CACNA1E: variants seen among roughly 807,000 people sequenced by gnomAD.
CACNA1E encodes voltage-dependent R-type calcium channel subunit alpha-1E.
In CACNA1E, 40 loss-of-function variants were observed where a neutral mutation model predicts 259.2. The ratio of observed to expected loss-of-function variants is 0.15; its 90% CI spans 0.12 to 0.20. The LOEUF is 0.20. Ranked by LOEUF, CACNA1E falls within the 10% of genes least tolerant of loss-of-function variation. The pLI is 1.00. For synonymous variants in CACNA1E, 1,104 were observed against 1,138.5 expected, an observed-to-expected ratio of 0.97 and a Z score of 0.61; for missense variants, 1,874 against 3,040.1, an observed-to-expected ratio of 0.62 and a Z score of 9.02.
At chr1:181,356,068 C>A (rs906739456) in intron 1 of CACNA1E, among the ~76,000 whole-genome samples, 1 of 152,134 alleles carries the variant, frequency 6.6e-6, no homozygotes, top group African/African-American at 2.4e-5. Context: ...ATAAAGGCAC[C>A]CCCTCCCAGG....
chr1:181,463,145 T>C (rs1370677996), intron 2 of CACNA1E, among the ~76,000 whole-genome samples: 1 of 152,180 alleles, frequency 6.6e-6, no homozygotes, highest in Non-Finnish European at 1.5e-5. Context: ...TTATAAATGC[T>C]ATATTTTTCC....
At chr1:181,448,860 C>T (rs935067578) in intron 2 of CACNA1E, among the ~76,000 whole-genome samples, 1 of 152,130 alleles carries the variant, frequency 6.6e-6, no homozygotes, top group Admixed American at 6.5e-5. Flanking sequence ...ATCTCAGCTG[C>T]CTGGGACTCT....
chr1:181,740,835 G>A (rs1471901267), intron 25 of CACNA1E, among the ~76,000 whole-genome samples: 1 of 152,148 alleles, frequency 6.6e-6, no homozygotes, highest in East Asian at 1.9e-4. Context: ...AAATTTTACA[G>A]AAGCATGGGG....
intron 7 of CACNA1E, among the ~76,000 whole-genome samples, chr1:181,670,809 C>T (rs1648715785): frequency 2.0e-5 from 3 of 152,170 alleles, no homozygotes; most frequent in Admixed American, 2.0e-4. Flanking sequence ...CCTCCATCCT[C>T]TTGTCCCTGT....
intron 1 of CACNA1E, among the ~76,000 whole-genome samples, chr1:181,378,593 T>G (rs997180701): frequency 6.6e-6 from 1 of 152,172 alleles, no homozygotes; most frequent in Non-Finnish European, 1.5e-5. Context: ...AGTATTCAGC[T>G]GAGTACTTAT....
Position 181,433,462 on chromosome 1 carries a change from G to A in CACNA1E, c.434+19882G>A, listed in dbSNP as rs553571144. On this transcript the variant is annotated intron_variant, in intron 2 of 11. Transcript: ENST00000524607. ...TGTTCTCTTAATTTTGCATTCCATT[G>A]CCTTTAAAATCTTCAACCACTTAAA... is the stretch of plus-strand genomic sequence containing the variant. Among the ~76,000 whole-genome samples, 6 of 152,226 alleles carry A rather than the reference G, an allele frequency of 3.9e-5. No homozygotes were observed. In the East Asian group the frequency reaches 7.7e-4, roughly 20 times the overall value.
intron 6 of CACNA1E, among the ~76,000 whole-genome samples, chr1:181,631,388 T>G (rs1323184268): frequency 1.7e-5 from 1 of 57,662 alleles, no homozygotes; most frequent in Non-Finnish European, 4.9e-5. Context: ...TTCTTGCCTG[T>G]ATATCATCTG....
At chr1:181,634,730 C>T (rs199915) in intron 6 of CACNA1E, among the ~76,000 whole-genome samples, 147,157 of 152,196 alleles carry the variant, frequency 0.97, 71,336 homozygotes, top group Non-Finnish European at 1. Context: ...AGCCTTCTGC[C>T]CCTCATTATC....
At chr1:181,581,084 G>A (rs943610851) in intron 6 of CACNA1E, among the ~76,000 whole-genome samples, 5 of 152,032 alleles carry the variant, frequency 3.3e-5, no homozygotes, top group African/African-American at 7.2e-5. Context: ...TGGACGTGGC[G>A]GTAGGGTATA....
intron 11 of CACNA1E, among the ~76,000 whole-genome samples, 183 bp downstream of exon 11, chr1:181,717,485 C>T (rs1450280105): frequency 6.6e-6 from 1 of 152,140 alleles, no homozygotes; most frequent in African/African-American, 2.4e-5. Context: ...AGCTTTCATT[C>T]TTTAGGTAAA....
chr1:181,662,410 A>C (rs1328843115), intron 7 of CACNA1E, among the ~76,000 whole-genome samples: 1 of 152,146 alleles, frequency 6.6e-6, no homozygotes, highest in African/African-American at 2.4e-5. Flanking sequence ...TTTTTCCTCC[A>C]TGCCCTATGT....
chr1:181,383,434 G>A (rs528991643), intron 1 of CACNA1E, among the ~76,000 whole-genome samples: 33 of 152,322 alleles, frequency 2.2e-4, no homozygotes, highest in Non-Finnish European at 2.9e-4. Context: ...TGAGGCAAGC[G>A]GGGGCAGAAA....
chr1:181,756,052 G>A lies in CACNA1E; in HGVS notation c.4086G>A (p.Leu1362=), dbSNP rs185175283. The change falls in exon 29 of 48, where the codon CTG becomes CTA. Residue 1362 remains leucine, a synonymous_variant. Transcript: ENST00000367573. ...ACTACGACAACATTATCTGGGCCCT[G>A]CTGACCCTCTTCACCGTCTCCACAG... The part of the protein sequence containing the change: ...EFHYDNIIWA[L]LTLFTVSTGE... 6.2e-7 allele frequency: 1 copy of A among 1,613,922 alleles called. No homozygotes were observed. Among genetic ancestry groups the A allele is most frequent in the African/African-American group, 1.3e-5 (1 of 75,032 alleles).
At chr1:181,613,479 T>C (rs566890646) in intron 6 of CACNA1E, among the ~76,000 whole-genome samples, 1 of 152,340 alleles carries the variant, frequency 6.6e-6, no homozygotes, top group East Asian at 1.9e-4. Context: ...TTTACTATGA[T>C]TAAGCCTAAG....
chr1:181,551,772 G>A (rs1648188149), intron 3 of CACNA1E, among the ~76,000 whole-genome samples: 1 of 152,070 alleles, frequency 6.6e-6, no homozygotes, highest in Non-Finnish European at 1.5e-5. Flanking sequence ...GACTCTCCTT[G>A]TGATGGGGAG....
chr1:181,634,903 C>T lies in CACNA1E; in HGVS notation c.952-16435C>T, dbSNP rs78954290. 2.3e-3 allele frequency among the ~76,000 whole-genome samples: 353 copies of T among 152,306 alleles called. 1 individual carries two copies. The highest frequency in any genetic ancestry group is 8.0e-3 in the African/African-American group (333 of 41,566). On this transcript the variant is annotated intron_variant, in intron 6 of 47. Coordinates refer to ENST00000367573, the MANE Select transcript of CACNA1E (RefSeq NM_001205293.3). Reference sequence around the variant, plus strand: ...GTGCCTTCCTCTGCTTCTAACCCTGCCTCTACGATGGGCTCTCTCTCCTTT... The same window carrying T: ...GTGCCTTCCTCTGCTTCTAACCCTGTCTCTACGATGGGCTCTCTCTCCTTT...
chr1:181,471,130 T>C (rs2102412224), intron 2 of CACNA1E, among the ~76,000 whole-genome samples: 1 of 152,284 alleles, frequency 6.6e-6, no homozygotes, highest in African/African-American at 2.4e-5. Context: ...AAAAAGGGCC[T>C]AGCTACTTCT....
chr1:181,334,530 G>T (rs561003542), intron 1 of CACNA1E, among the ~76,000 whole-genome samples: 1 of 152,036 alleles, frequency 6.6e-6, no homozygotes, highest in African/African-American at 2.4e-5. Flanking sequence ...TTCAATCTTC[G>T]CTATGTCAGT....
At chr1:181,593,489 A>G (rs1652859734) in intron 6 of CACNA1E, among the ~76,000 whole-genome samples, 1 of 152,246 alleles carries the variant, frequency 6.6e-6, no homozygotes, top group African/African-American at 2.4e-5. Flanking sequence ...TAAACTGTGA[A>G]TAACTGGTGA....
Sources: allele counts gnomAD v4.1 joint callset (sites outside exome capture counted in the v4.1 genomes callset), GRCh38; gene constraint gnomAD v4.1.1; transcripts MANE v1.5; gene names NCBI Gene and HGNC (gene_info 2026-07-23, HGNC 2026-07-21).